Variants in PDE9A observed in about 807,000 individuals in gnomAD.
PDE9A encodes the protein high affinity cGMP-specific 3',5'-cyclic phosphodiesterase 9A.
Under a neutral mutation model 87.4 loss-of-function variants are expected in PDE9A, and 60 were observed. The observed-to-expected ratio is 0.69, with a 90% confidence interval of 0.56 to 0.85. The LOEUF is 0.85. Among genes scored for constraint, PDE9A ranks in the 40% least tolerant of loss-of-function variants. The pLI is 0.00. For missense variants in PDE9A, 665 were observed against 779.0 expected (o/e 0.85, Z 1.74); for synonymous variants, 272 against 279.4 (o/e 0.97, Z 0.27).
chr21:42,700,446 G>A (rs901912102), intron 4 of PDE9A, among the ~76,000 whole-genome samples: 55 of 152,306 alleles, frequency 3.6e-4, no homozygotes, highest in African/African-American at 1.3e-3. Flanking sequence ...TCTTCCCTAA[G>A]AGTGGATATA....
At chr21:42,716,911 C>T (rs991209062) in intron 4 of PDE9A, among the ~76,000 whole-genome samples, 2 of 150,732 alleles carry the variant, frequency 1.3e-5, no homozygotes, top group African/African-American at 4.9e-5. Context: ...CCGCCACGCC[C>T]GGCTAATTTT....
In PDE9A at chr21:42,758,955, G is replaced by A. The variant is rs201579379; in HGVS notation, c.811-44G>A. The A allele has an allele frequency of 8.5e-5, 124 of 1,464,394 alleles. No homozygotes were observed. The African/African-American group carries it at 1.1e-3, about 13-fold the overall frequency. 90.7% of individuals were successfully genotyped at this position (1,464,394 alleles called of 1,614,324 possible). A position where few individuals can be genotyped will look rare whatever the true frequency, so the allele number is the denominator to read the frequency against. ...GAAGGAAGCCAGGGGCTGGGGAGCC[G>A]GCCACACAACTGCCCAGTGCCTATC... On this transcript the variant is annotated intron_variant, in intron 10 of 19. Transcript: ENST00000291539.
Position 42,743,775 on chromosome 21 carries a change from G to A in PDE9A, c.569-1G>A. On this transcript the variant is annotated splice_acceptor_variant, in intron 7 of 19. Transcript: ENST00000291539. LOFTEE classifies it high-confidence loss of function. ...CTTGCTGTCTCTCTCTCTGTCACCAGTGGAAGGACTAAAAGTGGTGGAGAT... is the reference window on the plus strand; with the variant it reads ...CTTGCTGTCTCTCTCTCTGTCACCAATGGAAGGACTAAAAGTGGTGGAGAT... 1 of 1,577,954 alleles carries A rather than the reference G, an allele frequency of 6.3e-7. No homozygotes were observed. Among genetic ancestry groups the A allele is most frequent in the Non-Finnish European group, 8.6e-7 (1 of 1,157,044 alleles).
intron 4 of PDE9A, among the ~76,000 whole-genome samples, chr21:42,718,781 T>C (rs1189045411): frequency 6.6e-6 from 1 of 151,804 alleles, no homozygotes; most frequent in African/African-American, 2.4e-5. Context: ...GTCTGAGGGA[T>C]GATTTTCTCT....
intron 7 of PDE9A, chr21:42,734,706 G>A (rs1279993130): frequency 6.6e-6 from 1 of 152,232 alleles, no homozygotes; most frequent in Non-Finnish European, 1.5e-5. Context: ...TACATAGTCA[G>A]ATTTATACTT....
intron 4 of PDE9A, among the ~76,000 whole-genome samples, chr21:42,701,601 G>T: frequency 6.6e-6 from 1 of 151,450 alleles, no homozygotes; most frequent in East Asian, 1.9e-4. Flanking sequence ...CATGCCCGGC[G>T]AATTTTTTAA....
intron 1 of PDE9A, among the ~76,000 whole-genome samples, chr21:42,670,047 ACACACACTTACACATTCACACACT>A: frequency 1.3e-5 from 2 of 152,306 alleles, no homozygotes; most frequent in East Asian, 3.9e-4. Context: ...ACCTTCACAC[ACACACACTTACACATTCACACACT>A]CACATACTTA....
chr21:42,674,588 C>A (rs1385270224), intron 1 of PDE9A, among the ~76,000 whole-genome samples: 1 of 152,182 alleles, frequency 6.6e-6, no homozygotes, highest in Admixed American at 6.5e-5. Flanking sequence ...CTCTCCCCTT[C>A]CCTTCCCAGG....
chr21:42,664,883 A>T (rs1181908903), intron 1 of PDE9A, among the ~76,000 whole-genome samples: 2 of 152,166 alleles, frequency 1.3e-5, no homozygotes, highest in African/African-American at 4.8e-5. Context: ...TCATCCACTC[A>T]TGGTCACTGC....
At position 42,774,356 on chromosome 21, in the gene PDE9A, G is replaced by C. The variant is rs557005609; in HGVS notation, c.1769-924G>C. Among the ~76,000 whole-genome samples the C allele has an allele frequency of 1.1e-4, 17 of 152,266 alleles. No homozygotes were observed. The South Asian group carries it at 3.5e-3, about 32-fold the overall frequency. On this transcript the variant is annotated intron_variant, in intron 19 of 19. Coordinates refer to ENST00000291539, the MANE Select transcript of PDE9A (RefSeq NM_002606.3). Reference sequence around the variant, plus strand: ...TGTGCACAAGTGTCCCAGCCTCTCTGAACCTCAGAGCCCCAGTCTCTAAGC... The same window carrying C: ...TGTGCACAAGTGTCCCAGCCTCTCTCAACCTCAGAGCCCCAGTCTCTAAGC...
chr21:42,729,886 C>T (rs1023433138), intron 4 of PDE9A, among the ~76,000 whole-genome samples: 3 of 152,084 alleles, frequency 2.0e-5, no homozygotes, highest in African/African-American at 7.3e-5. Flanking sequence ...GCCTCAGTTC[C>T]TTTAGATTGG....
At chr21:42,750,251 A>C (rs2146971920) in intron 8 of PDE9A, among the ~76,000 whole-genome samples, 1 of 152,334 alleles carries the variant, frequency 6.6e-6, no homozygotes, top group African/African-American at 2.4e-5. Flanking sequence ...GTTTGAACCT[A>C]GGAGTTCAAG....
At chr21:42,682,565 A>G (rs1371588427) in intron 1 of PDE9A, among the ~76,000 whole-genome samples, 3 of 152,356 alleles carry the variant, frequency 2.0e-5, no homozygotes, top group South Asian at 4.1e-4. Context: ...AAGGTTAGGA[A>G]GCCAAGCATA....
chr21:42,726,605 TATATATATA>T (rs1206042489), intron 4 of PDE9A, among the ~76,000 whole-genome samples: 5 of 17,034 alleles, frequency 2.9e-4, no homozygotes, highest in African/African-American at 1.3e-3. Context: ...TATATATATA[TATATATATA>T]TATATATATA....
chr21:42,659,013 G>A lies in PDE9A; in HGVS notation c.69+5130G>A, dbSNP rs116728252. 3.7e-3 allele frequency among the ~76,000 whole-genome samples: 565 copies of A among 152,292 alleles called. 2 individuals carry two copies. Among genetic ancestry groups the A allele is most frequent in the African/African-American group, 0.013 (533 of 41,546 alleles). ...AATTGAAGCTGGGCTGTGAAAAGTA[G>A]TAAGAACCCTCGGTTTTTGGTTCCT... On this transcript the variant is annotated intron_variant, in intron 1 of 19. Coordinates refer to ENST00000291539, the MANE Select transcript of PDE9A (RefSeq NM_002606.3). The surrounding 1 kb of genome is among the most constrained non-coding windows in gnomAD (Gnocchi z 4.1).
At chr21:42,735,724 C>T (rs539266064) in intron 7 of PDE9A, among the ~76,000 whole-genome samples, 1 of 152,308 alleles carries the variant, frequency 6.6e-6, no homozygotes, top group East Asian at 1.9e-4. Context: ...AACCTAAATC[C>T]AGGATGGGCC....
At chr21:42,672,498 G>A (rs898432772) in intron 1 of PDE9A, among the ~76,000 whole-genome samples, 2 of 152,206 alleles carry the variant, frequency 1.3e-5, no homozygotes, top group Admixed American at 1.3e-4. Flanking sequence ...ACCACAGAAC[G>A]CAGAATTTGC....
intron 1 of PDE9A, among the ~76,000 whole-genome samples, chr21:42,685,115 G>C (rs909529366): frequency 6.6e-6 from 1 of 152,240 alleles, no homozygotes; most frequent in African/African-American, 2.4e-5. Flanking sequence ...ACTGTCCAGG[G>C]AGGCATCCTC....
chr21:42,724,766 A>C (rs540504659), intron 4 of PDE9A: 9 of 171,032 alleles, frequency 5.3e-5, no homozygotes, highest in Non-Finnish European at 1.1e-4. Context: ...GCTATGACAG[A>C]CCAGGATACC....
Sources: allele counts gnomAD v4.1 joint callset (sites outside exome capture counted in the v4.1 genomes callset), GRCh38; gene constraint gnomAD v4.1.1; non-coding constraint Gnocchi (gnomAD v3.1); transcripts MANE v1.5; gene names NCBI Gene and HGNC (gene_info 2026-07-23, HGNC 2026-07-21).